The following OGT variants were observed in gnomAD, a reference collection of about 807,000 sequenced individuals.
The protein encoded by OGT is O-linked N-acetylglucosamine (GlcNAc) transferase.
In OGT, 3 loss-of-function variants were observed where a neutral mutation model predicts 75.8. The observed-to-expected ratio is 0.04, with a 90% CI of 0.02 to 0.10. OGT has a LOEUF of 0.10. Among genes scored for constraint, OGT ranks in the 10% least tolerant of loss-of-function variants. The pLI is 1.00. For synonymous variants in OGT, 257 were observed against 289.7 expected, an observed-to-expected ratio of 0.89 and a Z score of 1.15; for missense variants, 260 against 824.4, an observed-to-expected ratio of 0.32 and a Z score of 8.38.
At chrX:71,554,323 A>G (rs1436545069) in intron 5 of OGT, among the ~76,000 whole-genome samples, 190 bp from the exon 6 acceptor site, 2 of 112,109 alleles carry the variant, frequency 1.8e-5, no homozygotes, top group Non-Finnish European at 3.8e-5. Flanking sequence ...AACATGAGGC[A>G]TGAGAAGTTA....
intron 1 of OGT, 98 bp downstream of exon 1, chrX:71,533,434 C>T (rs2040149206): frequency 2.6e-6 from 2 of 769,808 alleles, no homozygotes; most frequent in South Asian, 2.3e-5. Context: ...TCGAACCATC[C>T]CCATTACATC....
chrX:71,553,341 G>A (rs938595453), intron 5 of OGT, among the ~76,000 whole-genome samples: 3 of 111,634 alleles, frequency 2.7e-5, no homozygotes, highest in African/African-American at 9.8e-5. Flanking sequence ...TGATCTGCCC[G>A]CCTTGGCCTC....
chrX:71,564,589 T>C lies in OGT; in HGVS notation c.2437-12T>C. On this transcript the variant is annotated splice_polypyrimidine_tract_variant and intron_variant, in intron 18 of 21. Coordinates refer to ENST00000373719, the MANE Select transcript of OGT (RefSeq NM_181672.3). ...GCCTTTAAATATAACCATCATTTTT[T>C]TCTTGTTCTAGATCAACAATAAGGC... The C allele has an allele frequency of 2.5e-6, 3 of 1,193,768 alleles. No individual in the cohort carries two copies. Among genetic ancestry groups the C allele is most frequent in the Non-Finnish European group, 1.1e-6 (1 of 884,717 alleles).
chrX:71,547,629 T>A, intron 4 of OGT: 1 of 960,951 alleles, frequency 1.0e-6, no homozygotes, highest in East Asian at 5.2e-5. Context: ...CCCAGTTAAG[T>A]CCCAGTGTAA....
intron 3 of OGT, among the ~76,000 whole-genome samples, chrX:71,541,955 T>C (rs1008642610): frequency 1.8e-5 from 2 of 111,567 alleles, no homozygotes; most frequent in Admixed American, 1.9e-4. Context: ...TCCTCCTTTG[T>C]CTATTAAAAC....
chrX:71,539,738 A>G (rs1331181770), intron 3 of OGT, among the ~76,000 whole-genome samples: 2 of 112,162 alleles, frequency 1.8e-5, no homozygotes, highest in African/African-American at 6.5e-5. Flanking sequence ...CTCAGGGCTC[A>G]CCTCTGTACC....
At chrX:71,558,722 T>C (rs2040360664) in intron 12 of OGT, among the ~76,000 whole-genome samples, 2 of 108,745 alleles carry the variant, frequency 1.8e-5, no homozygotes, top group Non-Finnish European at 3.8e-5. Flanking sequence ...AACCATGCTC[T>C]GTCCATACTG....
At chrX:71,543,126 A>G (rs1862748865) in intron 3 of OGT, among the ~76,000 whole-genome samples, 1 of 111,807 alleles carries the variant, frequency 8.9e-6, no homozygotes, top group Admixed American at 9.5e-5. Context: ...ATACAACCAC[A>G]AAAGCTGTTT....
At chrX:71,564,196 C>T (rs2040402245) in intron 18 of OGT, among the ~76,000 whole-genome samples, 1 of 112,000 alleles carries the variant, frequency 8.9e-6, no homozygotes, top group Admixed American at 9.5e-5. Flanking sequence ...GTGAGAATTA[C>T]AAGATGAAAC....
At chrX:71,547,855 C>G in intron 4 of OGT, 52 bp from the exon 5 acceptor site, 2 of 1,153,766 alleles carry the variant, frequency 1.7e-6, no homozygotes, top group Non-Finnish European at 2.3e-6. Context: ...AAATTTTCCC[C>G]TTTCCCTTTA....
chrX:71,564,803 T>G (rs781446174), intron 19 of OGT, 50 bp downstream of exon 19: 6 of 987,288 alleles, frequency 6.1e-6, no homozygotes, highest in Non-Finnish European at 7.0e-6. Context: ...TATCTAGAGC[T>G]TCTTGCTGAA....
Position 71,556,766 on chromosome X carries a change from T to C in OGT, c.1152T>C (p.Tyr384=), listed in dbSNP as rs779051709. ...QGKLQEALMH[Y]KEAIRISPTF... is the part of the protein sequence containing the mutation. ...AACTGCAGGAAGCTCTGATGCATTA[T>C]AAGGAGGCTATTCGGTAAGAGACAC... Residue 384 remains tyrosine (Y), a synonymous_variant, in exon 9 of 22, where the codon TAT becomes TAC. Coordinates refer to ENST00000373719, the MANE Select transcript of OGT (RefSeq NM_181672.3). 8.5e-6 allele frequency: 10 copies of C among 1,175,689 alleles called. No individual in the cohort carries two copies. The Admixed American group carries it at 1.6e-4, about 19-fold the overall frequency.
rs1356616269 is a variant in OGT at position 71,561,674 on chromosome X, AT to A, written c.1852-100del. 1.2e-5 allele frequency: 8 copies of A among 641,222 alleles called. No individual in the cohort carries two copies. In the South Asian group the frequency reaches 3.4e-4, roughly 27 times the overall value. 52.8% of individuals were successfully genotyped at this position (641,222 alleles called of 1,213,427 possible). A position where few individuals can be genotyped will look rare whatever the true frequency, so the allele number is the denominator to read the frequency against. On this transcript the variant is annotated intron_variant, in intron 14 of 21. Transcript: ENST00000373719. ...TCTTTTCCATCTGGGAATCTGAATT[AT>A]GTTAAATGCCATTAAAACTAAATGC...
intron 21 of OGT, among the ~76,000 whole-genome samples, chrX:71,571,134 T>C (rs2040455884): frequency 9.0e-6 from 1 of 110,575 alleles, no homozygotes; most frequent in Non-Finnish European, 1.9e-5. Context: ...TATTAGACTC[T>C]TTGGTACTTA....
At chrX:71,538,424 A>G (rs993472943) in intron 3 of OGT, among the ~76,000 whole-genome samples, 2 of 112,133 alleles carry the variant, frequency 1.8e-5, no homozygotes, top group East Asian at 5.5e-4. Context: ...AATGGTGGAT[A>G]ATGGGTCTTA....
intron 3 of OGT, among the ~76,000 whole-genome samples, chrX:71,544,081 C>T (rs1042558566): frequency 9.1e-6 from 1 of 110,209 alleles, no homozygotes; most frequent in African/African-American, 3.3e-5. Context: ...CCACCACGCC[C>T]GGCCTGATAT....
At chrX:71,533,390 C>T in intron 1 of OGT, 54 bp downstream of exon 1, 2 of 1,048,316 alleles carry the variant, frequency 1.9e-6, no homozygotes, top group Non-Finnish European at 1.3e-6. Flanking sequence ...CTCGCGCCGT[C>T]CTCTACCTTG....
intron 7 of OGT, 164 bp from the exon 8 acceptor site, chrX:71,555,790 A>G (rs746748284): frequency 2.1e-5 from 11 of 535,525 alleles, no homozygotes; most frequent in Admixed American, 7.7e-5. Flanking sequence ...TTGAGATGGT[A>G]TATTGGTTTA....
At chrX:71,547,839 C>G (rs749038545) in intron 4 of OGT, 68 bp from the exon 5 acceptor site, 3 of 937,919 alleles carry the variant, frequency 3.2e-6, no homozygotes, top group Non-Finnish European at 4.1e-6. Flanking sequence ...TTTTTTTTCC[C>G]TTTACAAATT....
Sources: allele counts gnomAD v4.1 joint callset (sites outside exome capture counted in the v4.1 genomes callset), GRCh38; gene constraint gnomAD v4.1.1; transcripts MANE v1.5; gene names NCBI Gene and HGNC (gene_info 2026-07-23, HGNC 2026-07-21).